Variants in GXYLT2 observed in about 807,000 individuals in gnomAD.
The protein encoded by GXYLT2 is glucoside xylosyltransferase 2.
Under a neutral mutation model 45.8 loss-of-function variants are expected in GXYLT2, and 53 were observed. That is an observed-to-expected ratio of 1.16 (90% CI 0.93 to 1.46). GXYLT2 has a LOEUF of 1.46. Ranked by LOEUF, GXYLT2 falls within the 40% of genes most tolerant of loss-of-function variation. The pLI, the probability that GXYLT2 is intolerant of heterozygous loss-of-function variation, is 0.00. For missense variants in GXYLT2, 551 were observed against 544.4 expected (o/e 1.01, Z -0.12); for synonymous variants, 219 against 214.2 (o/e 1.02, Z -0.19).
intron 1 of GXYLT2, among the ~76,000 whole-genome samples, chr3:72,902,714 CGGTGGCTCATGCCT>C (rs369579208): frequency 0.27 from 41,101 of 150,200 alleles, 6,001 homozygotes; most frequent in Non-Finnish European, 0.33. Flanking sequence ...AGGCCAGGTG[CGGTGGCTCATGCCT>C]GTACTTCCAG....
rs1711070521 is a variant in GXYLT2 at position 72,975,121 on chromosome 3, C to T, written c.1294C>T (p.His432Tyr). ...EKTMKRAYEK[H>Y]VIIHVGPNQM... is the part of the protein sequence containing the mutation. The stretch of plus-strand genomic sequence containing the variant: ...AACAATGAAAAGGGCTTATGAGAAA[C>T]ACGTCATCATCCATGTTGGCCCCAA... Residue 432 changes from histidine (H) to tyrosine (Y), a missense_variant, in exon 7 of 7, where the codon CAC becomes TAC. Transcript: ENST00000389617. The T allele has an allele frequency of 1.9e-6, 3 of 1,613,736 alleles. No individual in the cohort carries two copies. The East Asian group carries it at 6.7e-5, about 36-fold the overall frequency.
intron 2 of GXYLT2, among the ~76,000 whole-genome samples, chr3:72,911,976 CAT>C (rs1024973390): frequency 1.3e-4 from 15 of 118,218 alleles, no homozygotes; most frequent in African/African-American, 3.3e-4. Context: ...TGTGTGTGTG[CAT>C]GTGTGTGTGT....
At chr3:72,901,553 G>T (rs1202380225) in intron 1 of GXYLT2, among the ~76,000 whole-genome samples, 2 of 123,866 alleles carry the variant, frequency 1.6e-5, no homozygotes, top group African/African-American at 3.1e-5. Context: ...GAACATTTTC[G>T]CTTTTTTTTT....
chr3:72,941,037 T>C (rs1710288465), intron 3 of GXYLT2, among the ~76,000 whole-genome samples: 3 of 152,160 alleles, frequency 2.0e-5, no homozygotes. Flanking sequence ...GCATCAGAGC[T>C]TTACGTAATG....
intron 1 of GXYLT2, among the ~76,000 whole-genome samples, chr3:72,901,008 G>T (rs1010772198): frequency 4.0e-5 from 6 of 151,346 alleles, no homozygotes; most frequent in Non-Finnish European, 8.8e-5. Context: ...CAAAAAATTG[G>T]CCGGGTATGG....
chr3:72,963,418 C>T (rs747558231), intron 5 of GXYLT2, among the ~76,000 whole-genome samples: 22 of 151,792 alleles, frequency 1.4e-4, no homozygotes, highest in African/African-American at 4.1e-4. Context: ...ACTAAAAATA[C>T]GAAACTCTGG....
chr3:72,947,471 C>A (rs1402972994), intron 3 of GXYLT2, among the ~76,000 whole-genome samples: 1 of 152,070 alleles, frequency 6.6e-6, no homozygotes, highest in Non-Finnish European at 1.5e-5. Flanking sequence ...TCCTATGGAG[C>A]CTTTCATAGA....
chr3:72,894,005 A>C (rs1709233298), intron 1 of GXYLT2, among the ~76,000 whole-genome samples: 1 of 152,168 alleles, frequency 6.6e-6, no homozygotes, highest in African/African-American at 2.4e-5. Context: ...GTCCACAGGT[A>C]TGTCATATGA....
intron 2 of GXYLT2, 118 bp from the exon 3 acceptor site, chr3:72,922,086 T>G (rs1473813047): frequency 1.2e-6 from 1 of 856,114 alleles, no homozygotes; most frequent in Admixed American, 2.3e-5. Flanking sequence ...GGTGATGAAG[T>G]TAGACTTTCT....
chr3:72,909,428 T>C (rs796106969), intron 2 of GXYLT2, among the ~76,000 whole-genome samples: 8 of 152,248 alleles, frequency 5.3e-5, no homozygotes, highest in East Asian at 1.9e-4. Flanking sequence ...GACATGCATA[T>C]GTATAATTAC....
In GXYLT2 at chr3:72,896,584, T is replaced by C. The variant is rs182076273; in HGVS notation, c.275+8076T>C. On this transcript the variant is annotated intron_variant, in intron 1 of 6. Transcript: ENST00000389617. ...AGGAGTGTGGCCAGGCGCGGTGGCTTAAGACTGTAATCCCAGCACTTTGGG... is the reference window on the plus strand; with the variant it reads ...AGGAGTGTGGCCAGGCGCGGTGGCTCAAGACTGTAATCCCAGCACTTTGGG... Among the ~76,000 whole-genome samples, 989 of 150,286 alleles carry C rather than the reference T, an allele frequency of 6.6e-3. 13 individuals carry two copies. The highest frequency in any genetic ancestry group is 0.023 in the African/African-American group (944 of 40,870).
intron 1 of GXYLT2, among the ~76,000 whole-genome samples, chr3:72,892,453 A>G (rs1709201346): frequency 6.6e-6 from 1 of 152,150 alleles, no homozygotes; most frequent in African/African-American, 2.4e-5. Flanking sequence ...ATTTTATTCC[A>G]TAGTCATTCA....
chr3:72,927,568 A>G (rs1709941985), intron 3 of GXYLT2, among the ~76,000 whole-genome samples: 1 of 152,206 alleles, frequency 6.6e-6, no homozygotes, highest in African/African-American at 2.4e-5. Context: ...TATTATTATT[A>G]ATATTACACC....
rs1710896597 is a variant in GXYLT2, at chr3:72,967,841, C to T, written c.1149+122C>T. ...AAAGCATAGAGTTATACCAGTTATT[C>T]CCGACCTCAGTCACGCTCTGTCACT... is the stretch of plus-strand genomic sequence containing the variant. On this transcript the variant is annotated intron_variant, in intron 6 of 6. Transcript: ENST00000389617. The T allele has an allele frequency of 5.3e-6, 4 of 759,906 alleles. No homozygotes were observed. The South Asian group carries it at 6.9e-5, about 13-fold the overall frequency. The allele number at this position is 759,906 out of a possible 1,614,324, so 47.1% of individuals were successfully genotyped here.
At chr3:72,969,810 C>G (rs748136432) in intron 6 of GXYLT2, among the ~76,000 whole-genome samples, 1 of 147,826 alleles carries the variant, frequency 6.8e-6, no homozygotes, top group African/African-American at 2.5e-5. Context: ...TGTTAAAGAT[C>G]GAATTCTCTA....
intron 3 of GXYLT2, among the ~76,000 whole-genome samples, chr3:72,934,451 G>A (rs2322695): frequency 0.6 from 91,494 of 151,804 alleles, 27,711 homozygotes; most frequent in Admixed American, 0.65. Context: ...TACCAACCTT[G>A]ACTTGAGACA....
chr3:72,888,785 G>T (rs945244528), intron 1 of GXYLT2, among the ~76,000 whole-genome samples: 17 of 152,168 alleles, frequency 1.1e-4, no homozygotes, highest in African/African-American at 4.1e-4. Flanking sequence ...GCGTATTTTT[G>T]CACTCTTGCA....
At chr3:72,914,571 G>A (rs1709699096) in intron 2 of GXYLT2, among the ~76,000 whole-genome samples, 1 of 152,054 alleles carries the variant, frequency 6.6e-6, no homozygotes, top group South Asian at 2.1e-4. Flanking sequence ...GCGTGCGCAT[G>A]TATATGCGCG....
chr3:72,973,858 G>GA (rs1188680851), intron 6 of GXYLT2, among the ~76,000 whole-genome samples: 42 of 152,290 alleles, frequency 2.8e-4, no homozygotes, highest in African/African-American at 1.0e-3. Context: ...CATGATTAAA[G>GA]AAAAAGTATC....
Sources: gnomAD v4.1 joint callset for allele counts (sites outside exome capture counted in the v4.1 genomes callset) on GRCh38, gnomAD v4.1.1 for gene constraint, MANE v1.5 for transcripts, NCBI Gene and HGNC (gene_info 2026-07-23, HGNC 2026-07-21) for gene names.